Variants in FAR2 observed in about 807,000 individuals in gnomAD.
FAR2 encodes the protein epididymis secretory protein Li 81.
FAR2 carries 19 observed loss-of-function variants against 56.0 expected under a neutral mutation model. The ratio of observed to expected loss-of-function variants is 0.34; its 90% confidence interval spans 0.24 to 0.50. FAR2 has a LOEUF of 0.50. Ranked by LOEUF, FAR2 falls within the 20% of genes least tolerant of loss-of-function variation. The probability of loss-of-function intolerance (pLI) is 0.98; values close to 1 mark genes in which losing one functional copy is unlikely to be tolerated. For synonymous variants in FAR2, 219 were observed against 218.8 expected (o/e 1.00, Z -0.01); for missense variants, 508 against 642.2 (o/e 0.79, Z 2.26).
At chr12:29,240,521 G>GTT (rs67415489) in intron 1 of FAR2, among the ~76,000 whole-genome samples, 64 of 148,984 alleles carry the variant, frequency 4.3e-4, no homozygotes, top group Admixed American at 7.4e-4. Context: ...AAAATGGGTT[G>GTT]TTTTTTTTTT....
intron 1 of FAR2, among the ~76,000 whole-genome samples, chr12:29,202,761 C>G (rs564451903): frequency 9.8e-4 from 149 of 152,330 alleles, no homozygotes; most frequent in African/African-American, 3.4e-3. Flanking sequence ...GAGACACTGG[C>G]TCTCCTTCAC....
At chr12:29,257,069 G>C (rs757412598) in intron 1 of FAR2, among the ~76,000 whole-genome samples, 3 of 152,252 alleles carry the variant, frequency 2.0e-5, no homozygotes, top group South Asian at 2.1e-4. Flanking sequence ...TCTGTAGACC[G>C]AGTGCGGGAT....
intron 4 of FAR2, among the ~76,000 whole-genome samples, chr12:29,304,858 T>C (rs973397732): frequency 2.0e-5 from 3 of 152,200 alleles, no homozygotes; most frequent in Non-Finnish European, 4.4e-5. Context: ...CTGGAGGACA[T>C]TTAGATTAAT....
intron 2 of FAR2, among the ~76,000 whole-genome samples, chr12:29,284,547 C>T (rs1221821930): frequency 6.6e-6 from 1 of 152,170 alleles, no homozygotes; most frequent in Non-Finnish European, 1.5e-5. Context: ...CAGTAGAGAA[C>T]TCTGGGTGAT....
At chr12:29,194,926 G>A (rs1439295257) in intron 1 of FAR2, among the ~76,000 whole-genome samples, 6 of 152,104 alleles carry the variant, frequency 3.9e-5, no homozygotes, top group South Asian at 4.1e-4. Context: ...AGTTAACATG[G>A]AATTGAAGCA....
intron 1 of FAR2, among the ~76,000 whole-genome samples, chr12:29,248,367 A>G (rs6487788): frequency 0.59 from 89,863 of 151,976 alleles, 27,778 homozygotes; most frequent in African/African-American, 0.78. Flanking sequence ...CTGGGCGTCC[A>G]GGGGAGACAT....
intron 4 of FAR2, 35 bp downstream of exon 4, chr12:29,297,235 T>A (rs1270300054): frequency 6.4e-7 from 1 of 1,562,930 alleles, no homozygotes; most frequent in African/African-American, 1.4e-5. Flanking sequence ...AAGGGGCGGG[T>A]AGAATAAGTT....
chr12:29,180,757 CTATCT>C (rs1949984304), intron 1 of FAR2, among the ~76,000 whole-genome samples: 2 of 151,754 alleles, frequency 1.3e-5, no homozygotes, highest in South Asian at 2.1e-4. Flanking sequence ...ATCTATCTAT[CTATCT>C]ATCTATCTAT....
intron 1 of FAR2, among the ~76,000 whole-genome samples, chr12:29,187,200 C>T (rs1591838614): frequency 6.6e-6 from 1 of 152,184 alleles, no homozygotes; most frequent in African/African-American, 2.4e-5. Context: ...TATGTCTTAA[C>T]CCTTTTTTTT....
At chr12:29,235,407 G>T (rs1476002393) in intron 1 of FAR2, among the ~76,000 whole-genome samples, 2 of 152,082 alleles carry the variant, frequency 1.3e-5, no homozygotes, top group African/African-American at 4.8e-5. Context: ...CTTTGTGTGT[G>T]GTGGAAAAAT....
At chr12:29,178,183 T>A (rs74236366) in intron 1 of FAR2, among the ~76,000 whole-genome samples, 17 of 148,272 alleles carry the variant, frequency 1.1e-4, no homozygotes, top group East Asian at 2.0e-4. Flanking sequence ...ATTATAACAA[T>A]AAAAAAAAAA....
At chr12:29,199,510 G>C (rs1947377040) in intron 1 of FAR2, among the ~76,000 whole-genome samples, 1 of 150,674 alleles carries the variant, frequency 6.6e-6, no homozygotes, top group African/African-American at 2.4e-5. Context: ...TGAGGCAGGA[G>C]AATGGCGTGA....
At chr12:29,255,448 A>T (rs1258213285) in intron 1 of FAR2, among the ~76,000 whole-genome samples, 1 of 152,178 alleles carries the variant, frequency 6.6e-6, no homozygotes, top group Admixed American at 6.5e-5. Flanking sequence ...TTTTAGGGAG[A>T]CACAGTTAAG....
chr12:29,311,695 T>C (rs6487809), intron 7 of FAR2, among the ~76,000 whole-genome samples, 188 bp from the exon 8 acceptor site: 93,243 of 150,790 alleles, frequency 0.62, 30,082 homozygotes, highest in African/African-American at 0.82. Context: ...CACACACACA[T>C]GCTTTTCCTA....
At chr12:29,153,949 T>A (rs1949702087) in intron 1 of FAR2, among the ~76,000 whole-genome samples, 1 of 152,202 alleles carries the variant, frequency 6.6e-6, no homozygotes, top group African/African-American at 2.4e-5. Context: ...CTGATCGCCC[T>A]GGTTATTACC....
At chr12:29,270,061 C>T (rs1948588399) in intron 1 of FAR2, among the ~76,000 whole-genome samples, 3 of 152,228 alleles carry the variant, frequency 2.0e-5, no homozygotes, top group Admixed American at 1.3e-4. Flanking sequence ...TTTCCAGATG[C>T]TTCTATGTAC....
At chr12:29,169,805 AATGTAGTAG>A (rs574158345) in intron 1 of FAR2, among the ~76,000 whole-genome samples, 153 of 152,282 alleles carry the variant, frequency 1.0e-3, no homozygotes, top group Non-Finnish European at 1.8e-3. Context: ...GTAGTAGGAT[AATGTAGTAG>A]ATATACCTGC....
At chr12:29,315,512 A>G (rs1362182229) in intron 8 of FAR2, among the ~76,000 whole-genome samples, 2 of 152,218 alleles carry the variant, frequency 1.3e-5, no homozygotes, top group Non-Finnish European at 2.9e-5. Context: ...CGGCTGCCAC[A>G]TGGAGGTCAG....
chr12:29,203,304 C>CCACA (rs1217160509), intron 1 of FAR2, among the ~76,000 whole-genome samples: 1 of 152,196 alleles, frequency 6.6e-6, no homozygotes, highest in Non-Finnish European at 1.5e-5. Context: ...AATTCTCCTA[C>CCACA]CACAGTGTAA....
Sources: gnomAD v4.1 joint callset for allele counts (sites outside exome capture counted in the v4.1 genomes callset) on GRCh38, gnomAD v4.1.1 for gene constraint, MANE v1.5 for transcripts, NCBI Gene and HGNC (gene_info 2026-07-23, HGNC 2026-07-21) for gene names.